The following AGAP1 variants were observed in gnomAD, a reference collection of about 807,000 sequenced individuals.
AGAP1 encodes arf-GAP with GTPase, ANK repeat and PH domain-containing protein 1.
AGAP1 carries 29 observed loss-of-function variants against 105.3 expected under a neutral mutation model. The ratio of observed to expected loss-of-function variants is 0.28; its 90% CI spans 0.21 to 0.38. The LOEUF (loss-of-function observed/expected upper bound fraction) is 0.38. Ranked by LOEUF, AGAP1 falls within the 10% of genes least tolerant of loss-of-function variation. The probability of loss-of-function intolerance (pLI) is 1.00; values close to 1 mark genes in which losing one functional copy is unlikely to be tolerated. For missense variants in AGAP1, 998 were observed against 1,165.1 expected, an observed-to-expected ratio of 0.86 and a Z score of 2.09; for synonymous variants, 509 against 485.9, an observed-to-expected ratio of 1.05 and a Z score of -0.63.
chr2:235,985,831 G>T (rs1287104410), intron 13 of AGAP1, among the ~76,000 whole-genome samples: 1 of 152,094 alleles, frequency 6.6e-6, no homozygotes, highest in African/African-American at 2.4e-5. Flanking sequence ...TGGTCTATAT[G>T]CCTGTTTTGG....
chr2:235,907,448 T>G (rs896323813), intron 10 of AGAP1, among the ~76,000 whole-genome samples: 3 of 152,120 alleles, frequency 2.0e-5, no homozygotes, highest in Admixed American at 1.3e-4. Flanking sequence ...TCTAAAAAAA[T>G]TAATAAATGA....
intron 9 of AGAP1, among the ~76,000 whole-genome samples, chr2:235,848,848 G>A (rs1279624332): frequency 1.3e-5 from 2 of 152,162 alleles, no homozygotes; most frequent in African/African-American, 4.8e-5. Context: ...TCTGATAGTG[G>A]GGAAGGTTTT....
At chr2:235,602,434 C>T (rs181916614) in intron 1 of AGAP1, among the ~76,000 whole-genome samples, 41 of 152,316 alleles carry the variant, frequency 2.7e-4, no homozygotes, top group African/African-American at 8.7e-4. Context: ...TCTTTCCTCA[C>T]TACCTCTTTG....
Position 235,989,737 on chromosome 2 carries a change from G to A in AGAP1, c.1645+21114G>A, listed in dbSNP as rs1481109284. Among the ~76,000 whole-genome samples the A allele has an allele frequency of 1.3e-5, 2 of 152,230 alleles. No individual in the cohort carries two copies. The highest frequency in any genetic ancestry group is 2.9e-5 in the Non-Finnish European group (2 of 68,034). On this transcript the variant is annotated intron_variant, in intron 13 of 17. Transcript: ENST00000304032. The surrounding 1 kb of genome is among the most constrained non-coding windows in gnomAD (Gnocchi z 4.4). ...GGGAATCCCTGGAGGAGGTGGGTCA[G>A]TGGGAGGAGGACTGAAGACATTGGC...
chr2:235,903,287 A>T (rs1050533096), intron 10 of AGAP1, among the ~76,000 whole-genome samples: 3 of 152,098 alleles, frequency 2.0e-5, no homozygotes, highest in African/African-American at 7.2e-5. Context: ...TACTTTTTTG[A>T]AGTATACGTA....
chr2:235,654,723 A>T (rs181715297), intron 1 of AGAP1, among the ~76,000 whole-genome samples: 1 of 152,096 alleles, frequency 6.6e-6, no homozygotes, highest in Non-Finnish European at 1.5e-5. Context: ...GATTTCTAAG[A>T]TCCTTTTTTT....
chr2:235,746,377 C>CTTTTTCTTTTTT (rs1553620164), intron 5 of AGAP1, among the ~76,000 whole-genome samples: 30 of 55,562 alleles, frequency 5.4e-4, no homozygotes, highest in Non-Finnish European at 8.5e-4. Flanking sequence ...CCTCCCCCAA[C>CTTTTTCTTTTTT]TTTTTTTTTT....
intron 1 of AGAP1, among the ~76,000 whole-genome samples, chr2:235,567,299 G>A (rs1005235067): frequency 3.9e-5 from 6 of 152,234 alleles, no homozygotes; most frequent in South Asian, 4.1e-4. Flanking sequence ...AAGGCGGAGC[G>A]GTGTTTGTTC....
rs375640942 is a variant in AGAP1 at position 236,130,010 on chromosome 2, C to A, written c.*5888C>A. 1 of 152,348 alleles carries A rather than the reference C, an allele frequency of 6.6e-6. No individual in the cohort carries two copies. The highest frequency in any genetic ancestry group is 2.1e-4 in the South Asian group (1 of 4,822). The allele number at this position is 152,348 out of a possible 1,614,324, so 9.4% of individuals were successfully genotyped here. A position where few individuals can be genotyped will look rare whatever the true frequency, so the allele number is the denominator to read the frequency against. ...TAGAACTGTTCTTGTCTGAGGTCCT[C>A]ACCCTCTACAGATGGGCCTCAGGGC... On this transcript the variant is annotated 3_prime_UTR_variant, in exon 18 of 18. Transcript: ENST00000304032. The surrounding 1 kb of genome is among the most constrained non-coding windows in gnomAD (Gnocchi z 5.8).
rs530318255 is a variant in AGAP1 at position 235,691,889 on chromosome 2, C to T, written c.164-17290C>T. ...CAGGAGAGGGAACTTAGAGGCAAGG[C>T]AGGGATGCAAAATCGGAGTTCCTAG... is the stretch of plus-strand genomic sequence containing the variant. On this transcript the variant is annotated intron_variant, in intron 1 of 17. Transcript: ENST00000304032. This position sits in a 1 kb window ranked among gnomAD's most constrained non-coding sequence, Gnocchi z 4.4. Among the ~76,000 whole-genome samples the T allele has an allele frequency of 6.6e-6, 1 of 152,304 alleles. No homozygotes were observed. Among genetic ancestry groups the T allele is most frequent in the African/African-American group, 2.4e-5 (1 of 41,556 alleles).
intron 6 of AGAP1, among the ~76,000 whole-genome samples, chr2:235,770,452 G>A (rs1290800964): frequency 2.6e-5 from 4 of 152,044 alleles, no homozygotes; most frequent in Non-Finnish European, 5.9e-5. Flanking sequence ...TTTTGAGACA[G>A]AGTCTCACTC....
chr2:235,977,036 A>G lies in AGAP1; in HGVS notation c.1645+8413A>G, dbSNP rs1361715332. 6.6e-6 allele frequency among the ~76,000 whole-genome samples: 1 copy of G among 152,138 alleles called. No homozygotes were observed. Among genetic ancestry groups the G allele is most frequent in the Non-Finnish European group, 1.5e-5 (1 of 68,024 alleles). On this transcript the variant is annotated intron_variant, in intron 13 of 17. Coordinates refer to ENST00000304032, the MANE Select transcript of AGAP1 (RefSeq NM_001037131.3). The surrounding 1 kb of genome is among the most constrained non-coding windows in gnomAD (Gnocchi z 5.2). ...ACAAGGTCCCTTTCTAAGATACAGA[A>G]ATGTGACGGACCTCAACTCCTTTTT...
rs111454333 is a variant in AGAP1, at chr2:235,621,601, A to C, written c.164-87578A>C. 7.3e-4 allele frequency among the ~76,000 whole-genome samples: 111 copies of C among 152,248 alleles called. 1 individual carries two copies. In the East Asian group the frequency reaches 0.018, roughly 25 times the overall value. ...CCCCAATGGCCCCTGCCCATCATGC[A>C]TTTAGGGGCTCCTCTGACTCCAGAT... On this transcript the variant is annotated intron_variant, in intron 1 of 17. Transcript: ENST00000304032. This position sits in a 1 kb window ranked among gnomAD's most constrained non-coding sequence, Gnocchi z 4.1.
intron 10 of AGAP1, among the ~76,000 whole-genome samples, chr2:235,907,604 G>A (rs374317699): frequency 6.6e-6 from 1 of 152,146 alleles, no homozygotes; most frequent in African/African-American, 2.4e-5. Context: ...CACTTGAAAT[G>A]TTGTTTTTCC....
intron 1 of AGAP1, among the ~76,000 whole-genome samples, chr2:235,591,744 G>T (rs540729237): frequency 1.0e-3 from 153 of 152,260 alleles, no homozygotes; most frequent in Non-Finnish European, 1.6e-3. Flanking sequence ...TTCTTGCTCT[G>T]ATAGTTCATG....
rs911316842 is a variant in AGAP1 at position 235,960,871 on chromosome 2, C to T, written c.1484-7591C>T. Among the ~76,000 whole-genome samples the T allele has an allele frequency of 3.2e-4, 49 of 152,152 alleles. No individual in the cohort carries two copies. The highest frequency in any genetic ancestry group is 1.1e-3 in the African/African-American group (46 of 41,434). On this transcript the variant is annotated intron_variant, in intron 12 of 17. Transcript: ENST00000304032. The surrounding 1 kb of genome is among the most constrained non-coding windows in gnomAD (Gnocchi z 4.9). Reference sequence around the variant, plus strand: ...AATAGATTCCAAATGGTTGGAAACTCATAGGACAGTGGTTTGGCACAAAAG... The same window carrying T: ...AATAGATTCCAAATGGTTGGAAACTTATAGGACAGTGGTTTGGCACAAAAG...
At chr2:235,697,794 C>T (rs1950064593) in intron 1 of AGAP1, among the ~76,000 whole-genome samples, 1 of 152,138 alleles carries the variant, frequency 6.6e-6, no homozygotes, top group South Asian at 2.1e-4. Flanking sequence ...AACTGTCAGG[C>T]CCAATTATAT....
rs2049824906 is a variant in AGAP1, at chr2:235,877,927, CAGA to C, written c.1051-5417_1051-5415del. 6.6e-6 allele frequency among the ~76,000 whole-genome samples: 1 copy of C among 152,202 alleles called. No homozygotes were observed. ...CAGGGGAATCTTTCCTAATGCAAAT[CAGA>C]TAACCCCTTCCTCCCTCCACCCTGC... On this transcript the variant is annotated intron_variant, in intron 9 of 17. Coordinates refer to ENST00000304032, the MANE Select transcript of AGAP1 (RefSeq NM_001037131.3). The surrounding 1 kb of genome is among the most constrained non-coding windows in gnomAD (Gnocchi z 4.3).
At chr2:235,760,243 G>A (rs570359400) in intron 6 of AGAP1, among the ~76,000 whole-genome samples, 1 of 152,226 alleles carries the variant, frequency 6.6e-6, no homozygotes, top group Admixed American at 6.5e-5. Context: ...GCCAGGCATG[G>A]TGGCGTGTGC....
Sources: allele counts gnomAD v4.1 joint callset (sites outside exome capture counted in the v4.1 genomes callset), GRCh38; gene constraint gnomAD v4.1.1; non-coding constraint Gnocchi (gnomAD v3.1); transcripts MANE v1.5; gene names NCBI Gene and HGNC (gene_info 2026-07-23, HGNC 2026-07-21).